The following DNAH8 variants were observed in gnomAD, a reference collection of about 807,000 sequenced individuals.
The protein encoded by DNAH8 is axonemal beta dynein heavy chain 8.
A neutral mutation model predicts 562.1 loss-of-function variants in DNAH8; 382 were observed. That is an observed-to-expected ratio of 0.68 (90% CI 0.63 to 0.74). The LOEUF (loss-of-function observed/expected upper bound fraction) is 0.74, where lower values mean the gene tolerates loss of function less well. Among genes scored for constraint, DNAH8 ranks in the 30% least tolerant of loss-of-function variants. DNAH8 has a pLI of 0.00. For missense variants in DNAH8, 5,203 were observed against 5,620.4 expected (o/e 0.93, Z 2.37); for synonymous variants, 1,881 against 1,919.4 (o/e 0.98, Z 0.52).
At chr6:38,878,210 C>T (rs992859860) in intron 53 of DNAH8, among the ~76,000 whole-genome samples, 6 of 152,176 alleles carry the variant, frequency 3.9e-5, no homozygotes, top group African/African-American at 1.4e-4. Flanking sequence ...ACTTTAACAA[C>T]ACTATCAATA....
intron 3 of DNAH8, 63 bp downstream of exon 3, chr6:38,723,534 A>T: frequency 6.5e-7 from 1 of 1,532,312 alleles, no homozygotes; most frequent in Non-Finnish European, 8.7e-7. Context: ...ACTTAAGAAA[A>T]TAGAGTTGTC....
chr6:39,029,963 A>G, intron 92 of DNAH8, 142 bp from the exon 93 acceptor site: 5 of 664,438 alleles, frequency 7.5e-6, no homozygotes, highest in Admixed American at 2.9e-5. Context: ...CACGAATGCA[A>G]TGTACCCGGT....
intron 7 of DNAH8, among the ~76,000 whole-genome samples, chr6:38,739,516 A>G (rs1764361300): frequency 6.6e-6 from 1 of 152,194 alleles, no homozygotes; most frequent in Non-Finnish European, 1.5e-5. Flanking sequence ...AAGTTAAGAA[A>G]TAGAACATGG....
intron 52 of DNAH8, among the ~76,000 whole-genome samples, chr6:38,874,881 C>T (rs1777874601): frequency 6.6e-6 from 1 of 152,120 alleles, no homozygotes; most frequent in African/African-American, 2.4e-5. Flanking sequence ...TTAGTAATTA[C>T]TTTAAAATGG....
chr6:38,980,397 C>T (rs1347051710), intron 85 of DNAH8, among the ~76,000 whole-genome samples: 1 of 152,126 alleles, frequency 6.6e-6, no homozygotes, highest in Non-Finnish European at 1.5e-5. Context: ...ATGTTAGGGA[C>T]CAAGGCTCCC....
At position 38,951,320 on chromosome 6, in the gene DNAH8, C is replaced by A; in HGVS notation, c.12251C>A (p.Ser4084Tyr). 1 of 1,613,926 alleles carries A rather than the reference C, an allele frequency of 6.2e-7. No individual in the cohort carries two copies. The highest frequency in any genetic ancestry group is 1.1e-5 in the South Asian group (1 of 91,014). The change falls in exon 82 of 93, where the codon TCT becomes TAT. Residue 4084 changes from serine (S) to tyrosine (Y), a missense_variant and splice_region_variant. Ser to Tyr is a moderately radical substitution (Grantham distance 144). Transcript: ENST00000327475. Reference protein sequence around the residue: ...DTCHKLLLIRSWCPDRTVFQA... With the variant: ...DTCHKLLLIRYWCPDRTVFQA... ...GCCTAACTTGTATTCATTTTTAGGT[C>A]TTGGTGCCCAGACCGTACTGTTTTT...
chr6:38,847,710 C>T (rs781065441), intron 36 of DNAH8, among the ~76,000 whole-genome samples: 4 of 152,162 alleles, frequency 2.6e-5, no homozygotes, highest in Non-Finnish European at 4.4e-5. Flanking sequence ...TGCCACTCAC[C>T]AGCAAATGTC....
intron 20 of DNAH8, among the ~76,000 whole-genome samples, chr6:38,790,835 AC>A (rs1272720707): frequency 3.3e-5 from 5 of 151,702 alleles, no homozygotes; most frequent in South Asian, 2.1e-4. Context: ...AAAAAAAAAA[AC>A]AAAACAAAAA....
chr6:38,852,641 C>T lies in DNAH8; in HGVS notation c.5467-53C>T, dbSNP rs903974247. 19 of 1,296,512 alleles carry T rather than the reference C, an allele frequency of 1.5e-5. No individual in the cohort carries two copies. In the East Asian group the frequency reaches 4.4e-4, roughly 30 times the overall value. The allele number at this position is 1,296,512 out of a possible 1,614,324, so 80.3% of individuals were successfully genotyped here. A position where few individuals can be genotyped will look rare whatever the true frequency, so the allele number is the denominator to read the frequency against. The stretch of plus-strand genomic sequence containing the variant: ...AAAATATTAAGGCTTTTAAAAACAT[C>T]TCAGCGGCTTTTGTGTCCAGCCTCA... On this transcript the variant is annotated intron_variant, in intron 39 of 92. Transcript: ENST00000327475.
Position 38,923,979 on chromosome 6 carries a change from T to A in DNAH8, c.10791-12T>A. On this transcript the variant is annotated splice_polypyrimidine_tract_variant and intron_variant, in intron 72 of 92. Transcript: ENST00000327475. Reference sequence around the variant, plus strand: ...CTCACTTTGGGGAGGGGGCTGTGTGTTTTCTTCACAGACTTGTAGGTGATA... The same window carrying A: ...CTCACTTTGGGGAGGGGGCTGTGTGATTTCTTCACAGACTTGTAGGTGATA... 1 of 1,613,516 alleles carries A rather than the reference T, an allele frequency of 6.2e-7. No homozygotes were observed. The highest frequency in any genetic ancestry group is 1.7e-5 in the Admixed American group (1 of 59,950).
At chr6:38,927,465 T>G (rs1398126972) in intron 74 of DNAH8, among the ~76,000 whole-genome samples, 1 of 152,186 alleles carries the variant, frequency 6.6e-6, no homozygotes, top group African/African-American at 2.4e-5. Context: ...AATCCTAGAA[T>G]GGACCAGGCA....
rs1008063656 is a variant in DNAH8, at chr6:38,807,610, G to C, written c.3151G>C (p.Glu1051Gln). ...THDKEDEFKKECKEVFAFFSH... is the reference protein window; with the variant it reads ...THDKEDEFKKQCKEVFAFFSH... ...AATTTAATCTGATTTCTTATTACAGGAGTGTAAAGAGGTCTTTGCTTTTTT... is the reference window on the plus strand; with the variant it reads ...AATTTAATCTGATTTCTTATTACAGCAGTGTAAAGAGGTCTTTGCTTTTTT... The change falls in exon 24 of 93, where the codon GAG becomes CAG. Residue 1051 changes from glutamate (E) to glutamine (Q), a missense_variant and splice_region_variant. Physicochemically the swap from Glu to Gln is conservative, Grantham distance 29. Around this residue, in one of 6 missense-constraint regions of DNAH8, gnomAD observed 2,176 missense variants for 2,365.1 expected, o/e 0.92. Transcript: ENST00000327475. 2.7e-6 allele frequency: 4 copies of C among 1,471,020 alleles called. No individual in the cohort carries two copies. The highest frequency in any genetic ancestry group is 3.6e-6 in the Non-Finnish European group (4 of 1,105,832). 91.1% of individuals were successfully genotyped at this position (1,471,020 alleles called of 1,614,324 possible). A position where few individuals can be genotyped will look rare whatever the true frequency, so the allele number is the denominator to read the frequency against.
At chr6:38,769,729 C>T (rs2127620270) in intron 11 of DNAH8, among the ~76,000 whole-genome samples, 1 of 152,118 alleles carries the variant, frequency 6.6e-6, no homozygotes, top group South Asian at 2.1e-4. Flanking sequence ...CAAGTGGGCC[C>T]AATGTTTAAG....
intron 88 of DNAH8, among the ~76,000 whole-genome samples, chr6:39,002,362 G>A (rs1044526092): frequency 3.3e-5 from 5 of 152,318 alleles, no homozygotes; most frequent in Admixed American, 6.5e-5. Context: ...TTCTGAAAAT[G>A]TATATAGTAA....
At chr6:38,739,408 C>T (rs1764352751) in intron 7 of DNAH8, among the ~76,000 whole-genome samples, 1 of 152,160 alleles carries the variant, frequency 6.6e-6, no homozygotes, top group Non-Finnish European at 1.5e-5. Context: ...AAGGCATTCT[C>T]TTAAATTCTT....
chr6:38,895,968 G>T, intron 59 of DNAH8, 65 bp from the exon 60 acceptor site: 1 of 1,382,148 alleles, frequency 7.2e-7, no homozygotes, highest in South Asian at 1.3e-5. Context: ...AGAGGCGAAG[G>T]GACATGTTCA....
At chr6:38,836,261 A>G (rs1056956075) in intron 32 of DNAH8, among the ~76,000 whole-genome samples, 2 of 152,056 alleles carry the variant, frequency 1.3e-5, no homozygotes, top group African/African-American at 4.8e-5. Context: ...CTGGGACATT[A>G]TGTGCCAAGA....
intron 73 of DNAH8, among the ~76,000 whole-genome samples, chr6:38,925,291 T>C (rs570763035): frequency 4.3e-3 from 5 of 1,176 alleles, no homozygotes; most frequent in African/African-American, 7.6e-3. Flanking sequence ...CTCTGATTAT[T>C]TTATTTTATT....
At chr6:38,723,563 AAC>A (rs869115469) in intron 3 of DNAH8, 92 bp downstream of exon 3, 7 of 1,447,418 alleles carry the variant, frequency 4.8e-6, no homozygotes, top group Non-Finnish European at 4.6e-6. Flanking sequence ...CAACAACAAC[AAC>A]AAAAATCATT....
Sources: allele counts gnomAD v4.1 joint callset (sites outside exome capture counted in the v4.1 genomes callset), GRCh38; gene constraint gnomAD v4.1.1; regional missense constraint gnomAD v4.1.1; transcripts MANE v1.5; gene names NCBI Gene and HGNC (gene_info 2026-07-23, HGNC 2026-07-21).